Variants in SYT1 observed in about 807,000 individuals in gnomAD.
The protein encoded by SYT1 is synaptotagmin 1.
Under a neutral mutation model 44.8 loss-of-function variants are expected in SYT1, and 8 were observed. The observed-to-expected ratio is 0.18, with a 90% CI of 0.10 to 0.32. SYT1 has a LOEUF of 0.32. Ranked by LOEUF, SYT1 falls within the 10% of genes least tolerant of loss-of-function variation. The pLI is 1.00. For missense variants in SYT1, 286 were observed against 509.3 expected, an observed-to-expected ratio of 0.56 and a Z score of 4.22; for synonymous variants, 154 against 188.8, an observed-to-expected ratio of 0.82 and a Z score of 1.51.
In SYT1 at chr12:79,446,152, T is replaced by C. The variant is rs1296337871; in HGVS notation, c.1062+1946T>C. On this transcript the variant is annotated intron_variant, in intron 10 of 10. Coordinates refer to ENST00000261205, the MANE Select transcript of SYT1 (RefSeq NM_005639.3). ...ATTTTATATGTGAAAAAACTGAGGC[T>C]TAGAATTTCTTTACATGTAAAATAA... Among the ~76,000 whole-genome samples the C allele has an allele frequency of 8.0e-5, 12 of 150,838 alleles. No homozygotes were observed. In the Admixed American group the frequency reaches 8.0e-4, roughly 10 times the overall value.
At chr12:79,266,606 T>C (rs775098045) in intron 4 of SYT1, among the ~76,000 whole-genome samples, 1 of 152,096 alleles carries the variant, frequency 6.6e-6, no homozygotes, top group Non-Finnish European at 1.5e-5. Context: ...CTGACAGGTA[T>C]AGGGAAGTCC....
intron 6 of SYT1, among the ~76,000 whole-genome samples, chr12:79,295,678 T>C (rs1000431688): frequency 6.6e-6 from 1 of 152,236 alleles, no homozygotes; most frequent in Non-Finnish European, 1.5e-5. Context: ...AATTACAAAC[T>C]TGTGATTGCT....
chr12:79,281,373 CTT>C (rs1879045888), intron 4 of SYT1, among the ~76,000 whole-genome samples: 1 of 152,162 alleles, frequency 6.6e-6, no homozygotes, highest in Admixed American at 6.5e-5. Context: ...AAAATAATGT[CTT>C]TTTGCAGCAA....
intron 9 of SYT1, among the ~76,000 whole-genome samples, chr12:79,409,351 T>C (rs1868338385): frequency 6.6e-6 from 1 of 152,102 alleles, no homozygotes; most frequent in Non-Finnish European, 1.5e-5. Flanking sequence ...CAGACTTTTT[T>C]CAAAATTTGA....
chr12:79,198,965 A>G (rs1405852101), intron 3 of SYT1, among the ~76,000 whole-genome samples: 7 of 152,180 alleles, frequency 4.6e-5, no homozygotes, highest in Non-Finnish European at 1.0e-4. Context: ...GCCCGCATGA[A>G]TTTTTGGAAT....
chr12:79,106,772 G>C (rs2138074595), intron 3 of SYT1, among the ~76,000 whole-genome samples: 1 of 151,766 alleles, frequency 6.6e-6, no homozygotes, highest in East Asian at 1.9e-4. Context: ...TTCTTTAAAT[G>C]ACTCTAGTCT....
chr12:78,922,004 A>G (rs7967317), intron 1 of SYT1, among the ~76,000 whole-genome samples: 4,292 of 149,658 alleles, frequency 0.029, 202 homozygotes, highest in African/African-American at 0.099. Flanking sequence ...AAAAAAAAAA[A>G]CTTTTGATCA....
intron 1 of SYT1, among the ~76,000 whole-genome samples, chr12:78,929,688 C>A (rs1338002200): frequency 6.6e-6 from 1 of 150,812 alleles, no homozygotes; most frequent in Admixed American, 6.6e-5. Context: ...ATATGACTTA[C>A]TAGACTTAAT....
In SYT1 at chr12:79,172,969, C is replaced by CAAAAAAAAAA. The variant is rs200575966; in HGVS notation, c.-17-44506_-17-44497dup. Among the ~76,000 whole-genome samples, 5 of 15,728 alleles carry CAAAAAAAAAA rather than the reference C, an allele frequency of 3.2e-4. 1 individual carries two copies. Among genetic ancestry groups the CAAAAAAAAAA allele is most frequent in the African/African-American group, 1.5e-3 (5 of 3,288 alleles). The allele number at this position is 15,728 out of a possible 152,430, so 10.3% of individuals were successfully genotyped here. ...TTCAGGTTACTAGAGTTCCTGCTCT[C>CAAAAAAAAAA]AAAAAAAAAAAAAAAAAAAAAAAAA... is the stretch of plus-strand genomic sequence containing the variant. On this transcript the variant is annotated intron_variant, in intron 3 of 10. Transcript: ENST00000261205.
intron 3 of SYT1, among the ~76,000 whole-genome samples, chr12:79,169,602 A>C (rs1871395472): frequency 6.6e-6 from 1 of 152,010 alleles, no homozygotes. Flanking sequence ...AGCAGATTTG[A>C]ACTATGTGAC....
chr12:79,436,842 AT>A (rs1228452729), intron 9 of SYT1, among the ~76,000 whole-genome samples: 2 of 152,130 alleles, frequency 1.3e-5, no homozygotes, highest in South Asian at 4.1e-4. Context: ...TAGGAATCTT[AT>A]TTTTTTAAGT....
intron 1 of SYT1, among the ~76,000 whole-genome samples, chr12:78,944,227 A>G (rs1261410381): frequency 1.7e-5 from 2 of 118,108 alleles, no homozygotes; most frequent in Admixed American, 1.0e-4. Context: ...ATAATGGTAA[A>G]TTGGCAAGTA....
intron 2 of SYT1, among the ~76,000 whole-genome samples, chr12:79,026,668 TATA>T (rs1342561133): frequency 7.7e-4 from 5 of 6,518 alleles, no homozygotes; most frequent in South Asian, 6.8e-3. Flanking sequence ...ATATATATTT[TATA>T]TATATATATA....
At chr12:79,355,208 A>C (rs1203612297) in intron 9 of SYT1, among the ~76,000 whole-genome samples, 1 of 152,120 alleles carries the variant, frequency 6.6e-6, no homozygotes, top group African/African-American at 2.4e-5. Context: ...TGGCTAAGGG[A>C]AGTTAGGTCT....
At chr12:79,373,117 A>T (rs1399045655) in intron 9 of SYT1, among the ~76,000 whole-genome samples, 2 of 152,236 alleles carry the variant, frequency 1.3e-5, no homozygotes, top group Non-Finnish European at 2.9e-5. Flanking sequence ...ATCTCTTTTC[A>T]TCAAAAAAAG....
chr12:79,325,235 T>C (rs998163), intron 8 of SYT1, among the ~76,000 whole-genome samples: 5,838 of 152,302 alleles, frequency 0.038, 367 homozygotes, highest in African/African-American at 0.13. Context: ...GCGCTAACTC[T>C]CTGGCTAGCC....
At chr12:79,153,169 G>T (rs1361236129) in intron 3 of SYT1, among the ~76,000 whole-genome samples, 1 of 152,100 alleles carries the variant, frequency 6.6e-6, no homozygotes, top group African/African-American at 2.4e-5. Flanking sequence ...TCTAGCCCAA[G>T]ACATAGGTAT....
chr12:79,294,974 C>T (rs1454322550), intron 6 of SYT1, among the ~76,000 whole-genome samples: 1 of 151,810 alleles, frequency 6.6e-6, no homozygotes, highest in Non-Finnish European at 1.5e-5. Flanking sequence ...GTTGAGCCAC[C>T]TAGCCAAAAT....
intron 3 of SYT1, among the ~76,000 whole-genome samples, chr12:79,160,711 T>A (rs950599974): frequency 2.6e-5 from 4 of 152,142 alleles, no homozygotes; most frequent in Admixed American, 2.6e-4. Context: ...GAAAATGTGG[T>A]CTATATTTCT....
Sources: gnomAD v4.1 joint callset for allele counts (sites outside exome capture counted in the v4.1 genomes callset) on GRCh38, gnomAD v4.1.1 for gene constraint, MANE v1.5 for transcripts, NCBI Gene and HGNC (gene_info 2026-07-23, HGNC 2026-07-21) for gene names.